MYO5A: variants seen among roughly 807,000 people sequenced by gnomAD.
MYO5A encodes unconventional myosin-Va.
Under a neutral mutation model 249.7 loss-of-function variants are expected in MYO5A, and 98 were observed. That is an observed-to-expected ratio of 0.39 (90% CI 0.33 to 0.46). MYO5A has a LOEUF of 0.46. Ranked by LOEUF, MYO5A falls within the 20% of genes least tolerant of loss-of-function variation. MYO5A has a pLI of 0.98. For missense variants in MYO5A, 1,696 were observed against 2,308.8 expected (o/e 0.73, Z 5.44); for synonymous variants, 778 against 810.6 (o/e 0.96, Z 0.68).
At chr15:52,327,758 A>G in intron 36 of MYO5A, 94 bp downstream of exon 36, 1 of 1,284,640 alleles carries the variant, frequency 7.8e-7, no homozygotes, top group South Asian at 1.2e-5. Flanking sequence ...AATAACAAGC[A>G]ACTTAGCTAA....
At chr15:52,348,974 T>C in intron 28 of MYO5A, 148 bp from the exon 29 acceptor site, 1 of 766,556 alleles carries the variant, frequency 1.3e-6, no homozygotes, top group Non-Finnish European at 2.1e-6. Context: ...ATTAACTCTA[T>C]ATATACATTA....
chr15:52,367,225 T>A, intron 22 of MYO5A, 101 bp from the exon 23 acceptor site: 1 of 996,458 alleles, frequency 1.0e-6, no homozygotes, highest in Non-Finnish European at 1.5e-6. Context: ...TTCCACCACC[T>A]CTGTGCTCCC....
intron 5 of MYO5A, 104 bp from the exon 6 acceptor site, chr15:52,410,580 T>TC: frequency 6.6e-6 from 7 of 1,058,432 alleles, no homozygotes; most frequent in Non-Finnish European, 9.6e-6. Flanking sequence ...CACAGGTCCT[T>TC]AAAATTGATT....
Position 52,376,398 on chromosome 15 carries a change from C to A in MYO5A, c.2369G>T (p.Arg790Leu). ...WLLRKKYLRM[R>L]KAAITMQRYV... Reference sequence around the variant, plus strand: ...TCTCTGCATGGTGATGGCTGCCTTCCGCATGCGTAGGTACTTCTTTCTCAG... The same window carrying A: ...TCTCTGCATGGTGATGGCTGCCTTCAGCATGCGTAGGTACTTCTTTCTCAG... Residue 790 changes from arginine (R) to leucine (L), a missense_variant, in exon 19 of 42, where the codon CGG becomes CTG. Physicochemically the swap from Arg to Leu is moderately radical, Grantham distance 102. Transcript: ENST00000399233. 6.2e-7 allele frequency: 1 copy of A among 1,614,092 alleles called. No homozygotes were observed. Among genetic ancestry groups the A allele is most frequent in the Non-Finnish European group, 8.5e-7 (1 of 1,180,018 alleles).
intron 12 of MYO5A, 75 bp from the exon 13 acceptor site, chr15:52,389,438 G>T (rs1329953820): frequency 7.0e-7 from 1 of 1,427,472 alleles, no homozygotes. Context: ...GCTGTCAAAA[G>T]ATCTTTTATT....
chr15:52,510,955 G>C (rs2077378283), intron 1 of MYO5A, among the ~76,000 whole-genome samples: 1 of 152,208 alleles, frequency 6.6e-6, no homozygotes, highest in Non-Finnish European at 1.5e-5. Flanking sequence ...AATCTAACCA[G>C]CTAAGCTGTA....
At chr15:52,356,035 A>T (rs1567047297) in intron 25 of MYO5A, among the ~76,000 whole-genome samples, 1 of 152,238 alleles carries the variant, frequency 6.6e-6, no homozygotes. Flanking sequence ...TGTGGATGCC[A>T]TAATTGTTTT....
intron 1 of MYO5A, among the ~76,000 whole-genome samples, chr15:52,478,562 C>T (rs2076648510): frequency 6.6e-6 from 1 of 152,194 alleles, no homozygotes; most frequent in African/African-American, 2.4e-5. Flanking sequence ...ACCTTCCCCT[C>T]TCCAGACATT....
chr15:52,471,592 A>AACACACAAACACAC, intron 1 of MYO5A, among the ~76,000 whole-genome samples: 1 of 144,970 alleles, frequency 6.9e-6, no homozygotes, highest in East Asian at 2.0e-4. Context: ...CTGTCTCTAA[A>AACACACAAACACAC]ACACACACAC....
Position 52,353,931 on chromosome 15 carries a change from C to A in MYO5A, c.3507G>T (p.Lys1169Asn). The A allele has an allele frequency of 6.2e-7, 1 of 1,614,258 alleles. No individual in the cohort carries two copies. Among genetic ancestry groups the A allele is most frequent in the Middle Eastern group, 1.7e-4 (1 of 6,058 alleles). ...QKRVTELEQE[K>N]QVMQDELDRK... is the part of the protein sequence containing the mutation. ...GGTCCAGCTCATCCTGCATCACCTG[C>A]TTCTCCTGCTCCAGCTCTGTGACCC... Residue 1169 changes from lysine to asparagine, a missense_variant, in exon 26 of 42, where the codon AAG (lysine) becomes AAT (asparagine). By Grantham distance (94) the Lys-to-Asn change is moderately conservative. Transcript: ENST00000399233.
At chr15:52,408,583 G>T (rs2043110447) in intron 6 of MYO5A, among the ~76,000 whole-genome samples, 1 of 151,906 alleles carries the variant, frequency 6.6e-6, no homozygotes, top group South Asian at 2.1e-4. Flanking sequence ...GTTATTTGTA[G>T]GAAAGTCACA....
chr15:52,449,529 C>T (rs1039659388), intron 1 of MYO5A, among the ~76,000 whole-genome samples: 1 of 152,162 alleles, frequency 6.6e-6, no homozygotes, highest in Admixed American at 6.5e-5. Flanking sequence ...AGCAGTGTTT[C>T]ACCACTGACC....
chr15:52,373,629 C>G (rs1403486436), intron 20 of MYO5A, among the ~76,000 whole-genome samples: 1 of 152,164 alleles, frequency 6.6e-6, no homozygotes, highest in African/African-American at 2.4e-5. Context: ...TACGCTACCA[C>G]CTTCCACCCT....
At chr15:52,379,274 T>C (rs1041432560) in intron 18 of MYO5A, among the ~76,000 whole-genome samples, 5 of 152,236 alleles carry the variant, frequency 3.3e-5, no homozygotes, top group Admixed American at 6.5e-5. Flanking sequence ...AAGTATTACT[T>C]TCCAAGTAAG....
intron 1 of MYO5A, among the ~76,000 whole-genome samples, chr15:52,493,340 G>A (rs1205081285): frequency 2.0e-5 from 3 of 152,132 alleles, no homozygotes; most frequent in Non-Finnish European, 4.4e-5. Context: ...CATTAACAAA[G>A]AATGGAGAAT....
At chr15:52,345,460 C>G (rs2039575357) in intron 30 of MYO5A, among the ~76,000 whole-genome samples, 1 of 151,776 alleles carries the variant, frequency 6.6e-6, no homozygotes. Context: ...TGGTGGGCAC[C>G]TATAATCCCA....
Position 52,383,193 on chromosome 15 carries a change from A to G in MYO5A, c.1915-5T>C, listed in dbSNP as rs1378661658. On this transcript the variant is annotated splice_polypyrimidine_tract_variant and splice_region_variant and intron_variant, in intron 15 of 41. Transcript: ENST00000399233. ...CAGGTGCAGGGAGTTTCTGAACTGC[A>G]TGAAAAAGGGCAGAAGAGGGTATCA... 6.2e-7 allele frequency: 1 copy of G among 1,606,650 alleles called. No homozygotes were observed. Among genetic ancestry groups the G allele is most frequent in the Non-Finnish European group, 8.5e-7 (1 of 1,173,328 alleles).
intron 1 of MYO5A, among the ~76,000 whole-genome samples, chr15:52,473,785 G>C (rs1429641314): frequency 1.3e-5 from 2 of 152,152 alleles, no homozygotes; most frequent in African/African-American, 4.8e-5. Flanking sequence ...TGCTGTTTTG[G>C]TTACTGTAGC....
At chr15:52,450,194 T>C (rs1475236784) in intron 1 of MYO5A, among the ~76,000 whole-genome samples, 1 of 151,886 alleles carries the variant, frequency 6.6e-6, no homozygotes, top group Admixed American at 6.6e-5. Flanking sequence ...ACTTTCTGGG[T>C]TTACTAGCCC....
Sources: gnomAD v4.1 joint callset for allele counts (sites outside exome capture counted in the v4.1 genomes callset) on GRCh38, gnomAD v4.1.1 for gene constraint, MANE v1.5 for transcripts, NCBI Gene and HGNC (gene_info 2026-07-23, HGNC 2026-07-21) for gene names.